The following SCOC variants were observed in gnomAD, a reference collection of about 807,000 sequenced individuals.
SCOC encodes the protein short coiled coil protein.
In SCOC, 7 loss-of-function variants were observed where a neutral mutation model predicts 9.9. The observed-to-expected ratio is 0.71, with a 90% CI of 0.40 to 1.33. The LOEUF is 1.33. Ranked by LOEUF, SCOC falls within the 40% of genes most tolerant of loss-of-function variation. The pLI is 0.01. For missense variants in SCOC, 66 were observed against 89.7 expected, an observed-to-expected ratio of 0.74 and a Z score of 1.07; for synonymous variants, 19 against 28.2, an observed-to-expected ratio of 0.67 and a Z score of 1.03.
intron 1 of SCOC, among the ~76,000 whole-genome samples, chr4:140,311,242 A>T (rs1034547428): frequency 3.9e-5 from 6 of 152,136 alleles, no homozygotes; most frequent in Admixed American, 3.9e-4. Context: ...TAAAAATAAT[A>T]AAAAAAGATT....
chr4:140,370,689 A>G (rs988152145), upstream of SCOC, among the ~76,000 whole-genome samples: 1 of 152,146 alleles, frequency 6.6e-6, no homozygotes, highest in Non-Finnish European at 1.5e-5. Flanking sequence ...ATTTTGTAGC[A>G]CTGTGGTTAG....
intron 1 of SCOC, among the ~76,000 whole-genome samples, chr4:140,293,970 A>G (rs1018112343): frequency 6.6e-6 from 1 of 152,220 alleles, no homozygotes; most frequent in African/African-American, 2.4e-5. Context: ...AGCTTTCCCC[A>G]TTCAGCCATA....
At chr4:140,315,476 T>C (rs921952645) in intron 1 of SCOC, among the ~76,000 whole-genome samples, 1 of 152,206 alleles carries the variant, frequency 6.6e-6, no homozygotes, top group African/African-American at 2.4e-5. Context: ...TGGTTTTAAC[T>C]GTAGAGCTTG....
At position 140,273,645 on chromosome 4, in the gene SCOC, G is replaced by GA. The variant is rs11292502; in HGVS notation, c.-19+16247dup. 1.1e-3 allele frequency among the ~76,000 whole-genome samples: 155 copies of GA among 144,676 alleles called. 1 individual carries two copies. The highest frequency in any genetic ancestry group is 1.8e-3 in the African/African-American group (72 of 40,478). 94.9% of individuals were successfully genotyped at this position (144,676 alleles called of 152,430 possible). A position where few individuals can be genotyped will look rare whatever the true frequency, so the allele number is the denominator to read the frequency against. On this transcript the variant is annotated intron_variant, in intron 1 of 4. Coordinates refer to the SCOC transcript ENST00000394205. ...GTGCCGAGCTCTGATTTGCTCTGGT[G>GA]AAAAAAAAAAAATCCCCTAATTTCA...
chr4:140,287,223 C>T (rs1425039298), intron 1 of SCOC, among the ~76,000 whole-genome samples: 1 of 151,270 alleles, frequency 6.6e-6, no homozygotes, highest in Admixed American at 6.6e-5. Flanking sequence ...CCACACAGAC[C>T]ATGCACATAC....
intron 1 of SCOC, among the ~76,000 whole-genome samples, chr4:140,301,722 T>C (rs544122578): frequency 3.9e-5 from 6 of 152,384 alleles, no homozygotes; most frequent in African/African-American, 1.4e-4. Flanking sequence ...TGAACGTGCA[T>C]GTACTCAAAG....
chr4:140,282,024 G>A (rs971846261), intron 1 of SCOC, among the ~76,000 whole-genome samples: 4 of 152,176 alleles, frequency 2.6e-5, no homozygotes, highest in Non-Finnish European at 5.9e-5. Context: ...GCCCCCTTAT[G>A]ATGTTTCAGG....
chr4:140,276,775 C>CA (rs141521789), intron 1 of SCOC, among the ~76,000 whole-genome samples: 8,735 of 146,170 alleles, frequency 0.06, 567 homozygotes, highest in East Asian at 0.28. Flanking sequence ...AGTTTTAAAG[C>CA]AAAAAAAAAA....
chr4:140,323,429 C>T (rs1732557130), intron 1 of SCOC, among the ~76,000 whole-genome samples: 1 of 152,060 alleles, frequency 6.6e-6, no homozygotes, highest in Admixed American at 6.6e-5. Context: ...TCCTTTATAG[C>T]AATTCAAATG....
intron 2 of SCOC, chr4:140,366,220 C>A (rs1231917391): frequency 1.0e-4 from 71 of 695,590 alleles, no homozygotes; most frequent in Non-Finnish European, 1.1e-4. Flanking sequence ...ACTTTTATTA[C>A]TTTTCTAATC....
intron 1 of SCOC, among the ~76,000 whole-genome samples, chr4:140,262,956 G>T (rs1261396480): frequency 6.6e-6 from 1 of 152,084 alleles, no homozygotes; most frequent in Non-Finnish European, 1.5e-5. Flanking sequence ...ATCACCTCCT[G>T]CCAGGCCCCC....
At chr4:140,330,176 T>C (rs926548150) in intron 1 of SCOC, among the ~76,000 whole-genome samples, 5 of 152,190 alleles carry the variant, frequency 3.3e-5, no homozygotes, top group Admixed American at 3.3e-4. Flanking sequence ...GAGAATATTA[T>C]TCTAAGTGAA....
chr4:140,339,824 G>T (rs2126505863), upstream of SCOC, among the ~76,000 whole-genome samples: 1 of 152,316 alleles, frequency 6.6e-6, no homozygotes, highest in African/African-American at 2.4e-5. Flanking sequence ...AGGATGTGGA[G>T]AAATAGGAAC....
chr4:140,362,018 T>C (rs561554103), intron 2 of SCOC, among the ~76,000 whole-genome samples: 74 of 151,984 alleles, frequency 4.9e-4, no homozygotes, highest in African/African-American at 1.8e-3. Flanking sequence ...TTTAAATTGG[T>C]TGTCATCAGC....
At chr4:140,365,709 T>C (rs1451092086) in intron 2 of SCOC, among the ~76,000 whole-genome samples, 3 of 152,228 alleles carry the variant, frequency 2.0e-5, no homozygotes, top group African/African-American at 4.8e-5. Flanking sequence ...ATGAAGAAGA[T>C]GAAGACTTTC....
At chr4:140,292,665 C>T (rs1256518373) in intron 1 of SCOC, among the ~76,000 whole-genome samples, 2 of 152,174 alleles carry the variant, frequency 1.3e-5, no homozygotes, top group Non-Finnish European at 2.9e-5. Context: ...GAGGGGACCA[C>T]CTGTTACCTT....
At chr4:140,312,817 G>C (rs1732194435) in intron 1 of SCOC, among the ~76,000 whole-genome samples, 1 of 152,120 alleles carries the variant, frequency 6.6e-6, no homozygotes. Flanking sequence ...TCATAACCTT[G>C]TAATTGTTGC....
At chr4:140,338,233 C>T (rs1403346672) in intron 1 of SCOC, among the ~76,000 whole-genome samples, 8 of 152,062 alleles carry the variant, frequency 5.3e-5, no homozygotes, top group African/African-American at 9.7e-5. Context: ...AAAAGGCCTT[C>T]AACAAAATTC....
intron 1 of SCOC, among the ~76,000 whole-genome samples, chr4:140,287,700 C>A (rs566100235): frequency 6.6e-6 from 1 of 152,218 alleles, no homozygotes; most frequent in Admixed American, 6.5e-5. Context: ...ACACCAAACA[C>A]ATGGACACAC....
Sources: gnomAD v4.1 joint callset for allele counts (sites outside exome capture counted in the v4.1 genomes callset) on GRCh38, gnomAD v4.1.1 for gene constraint, MANE v1.5 for transcripts, NCBI Gene and HGNC (gene_info 2026-07-23, HGNC 2026-07-21) for gene names.